Variants in ANTXR1 observed in about 807,000 individuals in gnomAD.
ANTXR1 encodes ANTXR cell adhesion molecule 1, also known as anthrax toxin receptor 1.
ANTXR1 carries 19 observed loss-of-function variants against 78.1 expected under a neutral mutation model. That is an observed-to-expected ratio of 0.24 (90% CI 0.17 to 0.36). ANTXR1 has a LOEUF of 0.36. Ranked by LOEUF, ANTXR1 falls within the 10% of genes least tolerant of loss-of-function variation. The pLI, the probability that ANTXR1 is intolerant of heterozygous loss-of-function variation, is 1.00. For missense variants in ANTXR1, 518 were observed against 718.6 expected (o/e 0.72, Z 3.19); for synonymous variants, 273 against 260.5 (o/e 1.05, Z -0.46).
In ANTXR1 at chr2:69,145,202, G is replaced by C. The variant is rs11680110; in HGVS notation, c.952-6967G>C. On this transcript the variant is annotated intron_variant, in intron 12 of 17. Transcript: ENST00000303714. ...GATGCACAGCCAGAGGCAGAGTTAC[G>C]GGGGGCTGATTCGCTTAAACTTTAG... 109 of 929,508 alleles carry C rather than the reference G, an allele frequency of 1.2e-4. 1 individual carries two copies. The South Asian group carries it at 1.6e-3, about 14-fold the overall frequency. The allele number at this position is 929,508 out of a possible 1,614,324, so 57.6% of individuals were successfully genotyped here. A position where few individuals can be genotyped will look rare whatever the true frequency, so the allele number is the denominator to read the frequency against.
At chr2:69,200,852 G>A (rs1222074470) in intron 17 of ANTXR1, among the ~76,000 whole-genome samples, 1 of 152,136 alleles carries the variant, frequency 6.6e-6, no homozygotes, top group East Asian at 1.9e-4. Context: ...GTAACTTGGG[G>A]TAATGATGAT....
At chr2:69,068,216 G>T (rs1670461151) in intron 3 of ANTXR1, among the ~76,000 whole-genome samples, 1 of 152,022 alleles carries the variant, frequency 6.6e-6, no homozygotes, top group Non-Finnish European at 1.5e-5. Flanking sequence ...GATATAATGG[G>T]GACCAAAACA....
chr2:69,106,593 G>A (rs1174117826), intron 10 of ANTXR1, among the ~76,000 whole-genome samples: 1 of 152,206 alleles, frequency 6.6e-6, no homozygotes, highest in Non-Finnish European at 1.5e-5. Context: ...AATTGGGCAA[G>A]GAAGCAGGCA....
At chr2:69,094,618 T>G (rs1057133683) in intron 9 of ANTXR1, among the ~76,000 whole-genome samples, 1 of 152,214 alleles carries the variant, frequency 6.6e-6, no homozygotes, top group Non-Finnish European at 1.5e-5. Context: ...CCCAGGTCTG[T>G]CCTGCTCAAG....
chr2:69,019,055 A>G (rs1306758337), intron 1 of ANTXR1, among the ~76,000 whole-genome samples: 1 of 152,182 alleles, frequency 6.6e-6, no homozygotes, highest in East Asian at 1.9e-4. Context: ...TATTATGATA[A>G]ATTCGTAATT....
rs60099859 is a variant in ANTXR1, at chr2:69,057,121, T to G, written c.296+12308T>G. ...ATTTTAACTACTGCATACTTTTCTATTTTGTCATATTTTATTGTAATAACA... is the reference window on the plus strand; with the variant it reads ...ATTTTAACTACTGCATACTTTTCTAGTTTGTCATATTTTATTGTAATAACA... On this transcript the variant is annotated intron_variant, in intron 3 of 17. Transcript: ENST00000303714. Among the ~76,000 whole-genome samples, 1,208 of 152,328 alleles carry G rather than the reference T, an allele frequency of 7.9e-3. 15 individuals carry two copies. Among genetic ancestry groups the G allele is most frequent in the African/African-American group, 0.027 (1,131 of 41,574 alleles).
intron 17 of ANTXR1, among the ~76,000 whole-genome samples, chr2:69,243,980 C>A (rs1329988040): frequency 6.6e-6 from 1 of 152,224 alleles, no homozygotes; most frequent in Non-Finnish European, 1.5e-5. Flanking sequence ...GGTGGGTACC[C>A]ACCCAGGCAA....
intron 12 of ANTXR1, chr2:69,145,311 T>A: frequency 6.3e-7 from 1 of 1,578,618 alleles, no homozygotes; most frequent in Non-Finnish European, 8.6e-7. Flanking sequence ...TATTTTTATG[T>A]TCTCTTTCTT....
At chr2:69,039,708 G>A (rs112837118) in intron 1 of ANTXR1, among the ~76,000 whole-genome samples, 2 of 152,168 alleles carry the variant, frequency 1.3e-5, no homozygotes, top group African/African-American at 4.8e-5. Context: ...TAATTTAATA[G>A]CACAAAAATA....
intron 12 of ANTXR1, among the ~76,000 whole-genome samples, chr2:69,147,406 A>C (rs1055850678): frequency 1.1e-4 from 16 of 152,230 alleles, no homozygotes; most frequent in African/African-American, 3.6e-4. Flanking sequence ...GTAGTTGATT[A>C]AGACTCCAAG....
chr2:69,032,954 AT>A (rs1671571110), intron 1 of ANTXR1, among the ~76,000 whole-genome samples: 1 of 152,212 alleles, frequency 6.6e-6, no homozygotes, highest in South Asian at 2.1e-4. Context: ...TGTATGCAGT[AT>A]ATTCTGGTAT....
chr2:69,071,412 A>G (rs975144710), intron 4 of ANTXR1, among the ~76,000 whole-genome samples: 8 of 152,256 alleles, frequency 5.3e-5, no homozygotes, highest in East Asian at 3.8e-4. Context: ...GTTTCTAAAC[A>G]TAGAAATGGT....
At chr2:69,182,133 A>G (rs6724204) in intron 15 of ANTXR1, 268,537 of 563,648 alleles carry the variant, frequency 0.48, 67,733 homozygotes, top group East Asian at 0.77. Context: ...GTGCGTTTCC[A>G]TGTCTTGCCC....
chr2:69,207,914 G>A (rs1160692848), intron 17 of ANTXR1, among the ~76,000 whole-genome samples: 1 of 152,168 alleles, frequency 6.6e-6, no homozygotes, highest in Non-Finnish European at 1.5e-5. Flanking sequence ...GCTGAGTCTG[G>A]GGCTTTTTAT....
chr2:69,145,982 G>T lies in ANTXR1; in HGVS notation c.952-6187G>T, dbSNP rs905163688. 26 of 985,276 alleles carry T rather than the reference G, an allele frequency of 2.6e-5. No homozygotes were observed. In the African/African-American group the frequency reaches 4.2e-4, roughly 16 times the overall value. The allele number at this position is 985,276 out of a possible 1,614,324, so 61.0% of individuals were successfully genotyped here. On this transcript the variant is annotated intron_variant, in intron 12 of 17. Coordinates refer to ENST00000303714, the MANE Select transcript of ANTXR1 (RefSeq NM_032208.3). ...AGTGCCTTCTCGTCTTAAAAGAGAG[G>T]TCCTCATTTTGTGAGTTGGGAGCAG...
At chr2:69,229,123 C>T (rs978103028) in intron 17 of ANTXR1, among the ~76,000 whole-genome samples, 7 of 152,142 alleles carry the variant, frequency 4.6e-5, no homozygotes, top group African/African-American at 1.2e-4. Flanking sequence ...TAAGTTCCTC[C>T]CAAAGACCCC....
In ANTXR1 at chr2:69,080,640, G is replaced by C. The variant is rs140409329; in HGVS notation, c.642+3152G>C. Among the ~76,000 whole-genome samples the C allele has an allele frequency of 3.1e-3, 472 of 152,252 alleles. 4 individuals carry two copies. The highest frequency in any genetic ancestry group is 0.011 in the African/African-American group (437 of 41,530). ...TCCTGGTAGAGCTTACAATCCAGTG[G>C]GAGAGACACATTAAAAACAAGTAAA... On this transcript the variant is annotated intron_variant, in intron 8 of 17. Coordinates refer to ENST00000303714, the MANE Select transcript of ANTXR1 (RefSeq NM_032208.3).
intron 13 of ANTXR1, among the ~76,000 whole-genome samples, chr2:69,166,410 T>C (rs1673829283): frequency 1.3e-5 from 2 of 152,154 alleles, no homozygotes; most frequent in South Asian, 4.1e-4. Context: ...GAGTTCCATA[T>C]TCCATCTCAT....
At chr2:69,086,076 G>T (rs6546479) in intron 8 of ANTXR1, among the ~76,000 whole-genome samples, 138,268 of 152,278 alleles carry the variant, frequency 0.91, 62,819 homozygotes, top group East Asian at 0.98. Flanking sequence ...ATACCATCAA[G>T]GGATAAAAGA....
Sources: gnomAD v4.1 joint callset for allele counts (sites outside exome capture counted in the v4.1 genomes callset) on GRCh38, gnomAD v4.1.1 for gene constraint, MANE v1.5 for transcripts, NCBI Gene and HGNC (gene_info 2026-07-23, HGNC 2026-07-21) for gene names.